The following TRIM25 variants were observed in gnomAD, a reference collection of about 807,000 sequenced individuals.
TRIM25 encodes the protein E3 ubiquitin/ISG15 ligase TRIM25.
Under a neutral mutation model 65.2 loss-of-function variants are expected in TRIM25, and 45 were observed. The observed-to-expected ratio is 0.69, with a 90% confidence interval of 0.54 to 0.89. The LOEUF (loss-of-function observed/expected upper bound fraction) is 0.89, where lower values mean the gene tolerates loss of function less well. Ranked by LOEUF, TRIM25 falls within the 40% of genes least tolerant of loss-of-function variation. TRIM25 has a pLI of 0.00. For missense variants in TRIM25, 714 were observed against 803.7 expected, an observed-to-expected ratio of 0.89 and a Z score of 1.35; for synonymous variants, 321 against 340.4, an observed-to-expected ratio of 0.94 and a Z score of 0.63.
Position 56,901,559 on chromosome 17 carries a change from C to T in TRIM25, c.947G>A (p.Gly316Glu), listed in dbSNP as rs757613092. 56 of 1,613,946 alleles carry T rather than the reference C, an allele frequency of 3.5e-5. 1 individual carries two copies. The South Asian group carries it at 6.0e-4, about 17-fold the overall frequency. ...EFLEKASKLRGISTKPVYIPE... is the reference protein window; with the variant it reads ...EFLEKASKLREISTKPVYIPE... ...GATGTAGACTGGCTTTGTTGAGATT[C>T]CTCGCAGTTTTGATGCTTTCTGGAA... is the stretch of plus-strand genomic sequence containing the variant. The change falls in exon 4 of 9, where the codon GGA becomes GAA. Residue 316 changes from glycine to glutamate, a missense_variant. Around this residue, in one of 3 missense-constraint regions of TRIM25, gnomAD observed 413 missense variants for 498.2 expected, o/e 0.83. Coordinates refer to ENST00000316881, the MANE Select transcript of TRIM25 (RefSeq NM_005082.5).
In TRIM25 at chr17:56,891,663, C is replaced by A; in HGVS notation, c.*37G>T. The A allele has an allele frequency of 6.3e-7, 1 of 1,588,466 alleles. No individual in the cohort carries two copies. Reference sequence around the variant, plus strand: ...CTGTATTTTCACTAGGGTCTTGGGACTTCTGCAGGCAGTCAGCCCAAGTGC... The same window carrying A: ...CTGTATTTTCACTAGGGTCTTGGGAATTCTGCAGGCAGTCAGCCCAAGTGC... On this transcript the variant is annotated 3_prime_UTR_variant, in exon 9 of 9. Transcript: ENST00000316881.
Position 56,895,324 on chromosome 17 carries a change from C to T in TRIM25, c.1363+19G>A, listed in dbSNP as rs1303880240. 6.2e-7 allele frequency: 1 copy of T among 1,605,738 alleles called. No homozygotes were observed. Among genetic ancestry groups the T allele is most frequent in the African/African-American group, 1.3e-5 (1 of 74,826 alleles). On this transcript the variant is annotated intron_variant, in intron 8 of 8. Coordinates refer to ENST00000316881, the MANE Select transcript of TRIM25 (RefSeq NM_005082.5). ...AGACAGAACCAGTGGAACCGCGCACCAGCCCCGAAGCTACTCACACTCCAG... is the reference window on the plus strand; with the variant it reads ...AGACAGAACCAGTGGAACCGCGCACTAGCCCCGAAGCTACTCACACTCCAG...
rs772537181 is a variant in TRIM25 at position 56,913,704 on chromosome 17, G to T, written c.285C>A (p.Arg95=). The T allele has an allele frequency of 1.3e-6, 2 of 1,572,544 alleles. No individual in the cohort carries two copies. The highest frequency in any genetic ancestry group is 1.7e-6 in the Non-Finnish European group (2 of 1,159,700). The change falls in exon 1 of 9, where the codon CGC becomes CGA. Residue 95 remains arginine, a synonymous_variant. Coordinates refer to ENST00000316881, the MANE Select transcript of TRIM25 (RefSeq NM_005082.5). The surrounding 1 kb of genome is among the most constrained non-coding windows in gnomAD (Gnocchi z 6.1). The part of the protein sequence containing the change: ...PPADVWTPPA[R]ASAPSPNAQV... Reference sequence around the variant, plus strand: ...GGGCATTCGGGCTGGGTGCAGAGGCGCGGGCGGGCGGCGTCCAGACGTCGG... The same window carrying T: ...GGGCATTCGGGCTGGGTGCAGAGGCTCGGGCGGGCGGCGTCCAGACGTCGG...
chr17:56,910,580 T>C (rs764154558), intron 1 of TRIM25, among the ~76,000 whole-genome samples: 20 of 152,234 alleles, frequency 1.3e-4, no homozygotes, highest in Non-Finnish European at 2.5e-4. Context: ...TTTTGAAAGA[T>C]TTGATACACC....
Position 56,889,758 on chromosome 17 carries a change from A to T in TRIM25, c.*1942T>A, listed in dbSNP as rs1179490044. On this transcript the variant is annotated 3_prime_UTR_variant, in exon 9 of 9. Transcript: ENST00000316881. Reference sequence around the variant, plus strand: ...ACTCCTCCAAGCCCAGCTGTTTCCCAAGTATTAATTGGTTTCAGACAAGGC... The same window carrying T: ...ACTCCTCCAAGCCCAGCTGTTTCCCTAGTATTAATTGGTTTCAGACAAGGC... 1 of 398,478 alleles carries T rather than the reference A, an allele frequency of 2.5e-6. No homozygotes were observed. The highest frequency in any genetic ancestry group is 4.4e-6 in the Non-Finnish European group (1 of 226,064). 24.7% of individuals were successfully genotyped at this position (398,478 alleles called of 1,614,324 possible). A position where few individuals can be genotyped will look rare whatever the true frequency, so the allele number is the denominator to read the frequency against.
chr17:56,900,171 G>T (rs1391312697), intron 4 of TRIM25, among the ~76,000 whole-genome samples: 1 of 151,880 alleles, frequency 6.6e-6, no homozygotes, highest in African/African-American at 2.4e-5. Context: ...CAGAGATTGG[G>T]CCATTGCACT....
At chr17:56,911,860 C>G (rs1408274675) in intron 1 of TRIM25, among the ~76,000 whole-genome samples, 2 of 151,884 alleles carry the variant, frequency 1.3e-5, no homozygotes, top group Admixed American at 1.3e-4. Flanking sequence ...CCACTGTACT[C>G]CAGCCTGGGT....
At chr17:56,908,672 C>G in intron 1 of TRIM25, 109 bp from the exon 2 acceptor site, 2 of 1,074,310 alleles carry the variant, frequency 1.9e-6, no homozygotes. Flanking sequence ...TCCACTCCAC[C>G]CAAGTCTTGC....
chr17:56,906,089 TC>T (rs2144360179), intron 2 of TRIM25, among the ~76,000 whole-genome samples: 1 of 152,402 alleles, frequency 6.6e-6, no homozygotes, highest in South Asian at 2.1e-4. Flanking sequence ...TTGTTTCACA[TC>T]TTGGGTAGCC....
chr17:56,892,529 C>T (rs1483700532), intron 8 of TRIM25, among the ~76,000 whole-genome samples: 3 of 152,220 alleles, frequency 2.0e-5, no homozygotes, highest in East Asian at 3.9e-4. Flanking sequence ...ATCCACTTAT[C>T]TATCCATCCT....
Position 56,890,761 on chromosome 17 carries a change from C to A in TRIM25, c.*939G>T, listed in dbSNP as rs1909152948. The A allele has an allele frequency of 2.2e-6, 1 of 456,424 alleles. No homozygotes were observed. The highest frequency in any genetic ancestry group is 2.0e-5 in the African/African-American group (1 of 50,020). 28.3% of individuals were successfully genotyped at this position (456,424 alleles called of 1,614,324 possible). On this transcript the variant is annotated 3_prime_UTR_variant, in exon 9 of 9. Transcript: ENST00000316881. Reference sequence around the variant, plus strand: ...CCGAGAAGAGTTGTCAGTAAGAAGGCAGGACACTCTAACACGAGCAAACCC... The same window carrying A: ...CCGAGAAGAGTTGTCAGTAAGAAGGAAGGACACTCTAACACGAGCAAACCC...
intron 1 of TRIM25, among the ~76,000 whole-genome samples, chr17:56,910,812 C>G (rs750663731): frequency 3.9e-5 from 6 of 152,216 alleles, no homozygotes; most frequent in Admixed American, 6.5e-5. Context: ...GCCAAGGCAA[C>G]CCAGCCCCCG....
At chr17:56,900,270 C>T (rs186009590) in intron 4 of TRIM25, among the ~76,000 whole-genome samples, 1 of 152,108 alleles carries the variant, frequency 6.6e-6, no homozygotes, top group Admixed American at 6.5e-5. Context: ...ATCTATAGTC[C>T]TAGCTAGTCG....
rs111646359 is a variant in TRIM25, at chr17:56,900,343, C to T, written c.1087+1076G>A. Among the ~76,000 whole-genome samples the T allele has an allele frequency of 4.4e-4, 67 of 152,142 alleles. 1 individual carries two copies. The highest frequency in any genetic ancestry group is 1.1e-3 in the African/African-American group (47 of 41,478). Reference sequence around the variant, plus strand: ...TTGAGGTTACAGTGAACTATAATCACGCCATTGCATTCCGGCCTGGGCGAC... The same window carrying T: ...TTGAGGTTACAGTGAACTATAATCATGCCATTGCATTCCGGCCTGGGCGAC... On this transcript the variant is annotated intron_variant, in intron 4 of 8. Transcript: ENST00000316881.
intron 8 of TRIM25, among the ~76,000 whole-genome samples, chr17:56,894,109 T>A (rs1375938474): frequency 6.6e-6 from 1 of 152,094 alleles, no homozygotes; most frequent in Non-Finnish European, 1.5e-5. Context: ...ATGTAGAAAA[T>A]CTGCAGAGCT....
intron 1 of TRIM25, among the ~76,000 whole-genome samples, chr17:56,909,962 C>T (rs900529777): frequency 6.6e-6 from 1 of 152,138 alleles, no homozygotes; most frequent in Non-Finnish European, 1.5e-5. Flanking sequence ...TGTTCTAGTG[C>T]TTTACCTGTA....
Position 56,895,445 on chromosome 17 carries a change from G to C in TRIM25, c.1265-4C>G. 6.2e-7 allele frequency: 1 copy of C among 1,614,144 alleles called. No homozygotes were observed. The highest frequency in any genetic ancestry group is 8.5e-7 in the Non-Finnish European group (1 of 1,179,992). On this transcript the variant is annotated splice_polypyrimidine_tract_variant and splice_region_variant and intron_variant, in intron 7 of 8. Coordinates refer to ENST00000316881, the MANE Select transcript of TRIM25 (RefSeq NM_005082.5). ...GAGCTGGTGGCTTTGGCTGCAGCTG[G>C]GAGAGGAAACAGAGAGTGATTTGCA...
At chr17:56,910,639 C>T (rs1384183036) in intron 1 of TRIM25, among the ~76,000 whole-genome samples, 1 of 152,226 alleles carries the variant, frequency 6.6e-6, no homozygotes. Flanking sequence ...GGTGCCCACA[C>T]GACTCCAGAC....
Position 56,895,651 on chromosome 17 carries a change from T to C in TRIM25, c.1181-47A>G, listed in dbSNP as rs752396995. 6 of 1,512,256 alleles carry C rather than the reference T, an allele frequency of 4.0e-6. No homozygotes were observed. In the South Asian group the frequency reaches 6.5e-5, roughly 16 times the overall value. 93.7% of individuals were successfully genotyped at this position (1,512,256 alleles called of 1,614,324 possible). On this transcript the variant is annotated intron_variant, in intron 6 of 8. Transcript: ENST00000316881. ...TATGATACAGAGCAACGGGATGGCCTCTACTCCCTTCCACACTGATTAAGA... is the reference window on the plus strand; with the variant it reads ...TATGATACAGAGCAACGGGATGGCCCCTACTCCCTTCCACACTGATTAAGA...
Sources: gnomAD v4.1 joint callset for allele counts (sites outside exome capture counted in the v4.1 genomes callset) on GRCh38, gnomAD v4.1.1 for gene constraint, gnomAD v4.1.1 regional missense constraint, Gnocchi (gnomAD v3.1) non-coding constraint, MANE v1.5 for transcripts, NCBI Gene and HGNC (gene_info 2026-07-23, HGNC 2026-07-21) for gene names.